The following OARD1 variants were observed in gnomAD, a reference collection of about 807,000 sequenced individuals.
OARD1 encodes ADP-ribose glycohydrolase OARD1.
Under a neutral mutation model 19.7 loss-of-function variants are expected in OARD1, and 19 were observed. The ratio of observed to expected loss-of-function variants is 0.96; its 90% CI spans 0.67 to 1.41. The LOEUF (loss-of-function observed/expected upper bound fraction) is 1.41. Ranked by LOEUF, OARD1 falls within the 40% of genes most tolerant of loss-of-function variation. The probability of loss-of-function intolerance (pLI) is 0.00; values close to 1 mark genes in which losing one functional copy is unlikely to be tolerated. For missense variants in OARD1, 190 were observed against 183.8 expected, an observed-to-expected ratio of 1.03 and a Z score of -0.20; for synonymous variants, 70 against 61.8, an observed-to-expected ratio of 1.13 and a Z score of -0.62.
chr6:41,097,721 G>T lies in OARD1; in HGVS notation c.-50C>A, dbSNP rs368171003. 29 of 250,308 alleles carry T rather than the reference G, an allele frequency of 1.2e-4. No homozygotes were observed. In the East Asian group the frequency reaches 1.6e-3, roughly 14 times the overall value. 15.5% of individuals were successfully genotyped at this position (250,308 alleles called of 1,614,324 possible). Reference sequence around the variant, plus strand: ...GTACACAAAGCACTTACCTTGACTGGTGAAGTCAGCCAGCCATCTCAGCAG... The same window carrying T: ...GTACACAAAGCACTTACCTTGACTGTTGAAGTCAGCCAGCCATCTCAGCAG... On this transcript the variant is annotated 5_prime_UTR_variant, in exon 1 of 5. Coordinates refer to the OARD1 transcript ENST00000480585.
At chr6:41,087,787 C>T (rs1187846115) in intron 1 of OARD1, among the ~76,000 whole-genome samples, 2 of 151,942 alleles carry the variant, frequency 1.3e-5, no homozygotes, top group Non-Finnish European at 2.9e-5. Flanking sequence ...GGTTGTATTG[C>T]AGTTTTTTAG....
At chr6:41,095,186 G>A (rs1258175669) in intron 1 of OARD1, among the ~76,000 whole-genome samples, 1 of 152,056 alleles carries the variant, frequency 6.6e-6, no homozygotes, top group African/African-American at 2.4e-5. Context: ...TTTCCCATTT[G>A]CACTTAGACT....
At chr6:41,089,159 T>C (rs988167997) in intron 1 of OARD1, among the ~76,000 whole-genome samples, 9 of 152,090 alleles carry the variant, frequency 5.9e-5, no homozygotes, top group African/African-American at 1.9e-4. Context: ...AATCTTTGTA[T>C]TTTTAGTAGA....
Position 41,066,030 on chromosome 6 carries a change from G to A in OARD1, c.*1305C>T, listed in dbSNP as rs951743015. 2 of 152,218 alleles carry A rather than the reference G, an allele frequency of 1.3e-5. No homozygotes were observed. The highest frequency in any genetic ancestry group is 4.8e-5 in the African/African-American group (2 of 41,448). 9.4% of individuals were successfully genotyped at this position (152,218 alleles called of 1,614,324 possible). On this transcript the variant is annotated 3_prime_UTR_variant, in exon 6 of 6. Transcript: ENST00000424266. ...TAGACGACTGGTCTTTGCAGCTTCG[G>A]AAGAAAAGAGGACTAATATTTAGAC...
intron 1 of OARD1, among the ~76,000 whole-genome samples, chr6:41,081,573 A>T (rs1390393558): frequency 6.6e-6 from 1 of 152,224 alleles, no homozygotes; most frequent in African/African-American, 2.4e-5. Flanking sequence ...TTGTGTTACA[A>T]TGGAGAAGGA....
At chr6:41,077,319 CACAATGAAGATATAAA>C (rs1319582297), upstream of OARD1, among the ~76,000 whole-genome samples, 1 of 152,030 alleles carries the variant, frequency 6.6e-6, no homozygotes, top group African/African-American at 2.4e-5. Flanking sequence ...CAACTGCTAC[CACAATGAAGATATAAA>C]ACATTTTCAT....
intron 5 of OARD1, among the ~76,000 whole-genome samples, chr6:41,068,612 G>A (rs1763150253): frequency 6.6e-6 from 1 of 152,252 alleles, no homozygotes; most frequent in Admixed American, 6.5e-5. Flanking sequence ...GGCTGAGGCA[G>A]ATGTATATTT....
Position 41,068,872 on chromosome 6 carries a change from T to C in OARD1, c.325A>G (p.Lys109Glu), listed in dbSNP as rs114731895. Residue 109 changes from lysine to glutamate, a missense_variant, in exon 5 of 6, where the codon AAG (lysine) becomes GAG (glutamate). By Grantham distance (56) the Lys-to-Glu change is moderately conservative (BLOSUM62 1). Transcript: ENST00000424266. ...SLEAMKSHCLKNGVTDLSMPR... is the reference protein window; with the variant it reads ...SLEAMKSHCLENGVTDLSMPR... ...ATGGAGAGGTCAGTGACTCCATTCT[T>C]CAGACAATGAGACTTCATTGCCTCT... 1.0e-4 allele frequency: 164 copies of C among 1,605,854 alleles called. No individual in the cohort carries two copies. The East Asian group carries it at 2.0e-3, about 20-fold the overall frequency.
chr6:41,095,083 C>T (rs1357866844), intron 1 of OARD1, among the ~76,000 whole-genome samples: 1 of 152,076 alleles, frequency 6.6e-6, no homozygotes, highest in African/African-American at 2.4e-5. Context: ...CTTTTGTTCC[C>T]CTCTAGCCTA....
At chr6:41,091,049 A>C (rs887959905) in intron 1 of OARD1, among the ~76,000 whole-genome samples, 1 of 152,242 alleles carries the variant, frequency 6.6e-6, no homozygotes, top group African/African-American at 2.4e-5. Flanking sequence ...CTCAAACAGA[A>C]TGGTGAACAA....
intron 1 of OARD1, among the ~76,000 whole-genome samples, chr6:41,093,647 T>C (rs1475788547): frequency 6.6e-6 from 1 of 152,140 alleles, no homozygotes; most frequent in Non-Finnish European, 1.5e-5. Context: ...ATTTTTGTGT[T>C]TTTAGTAGAG....
upstream of OARD1, among the ~76,000 whole-genome samples, chr6:41,076,914 T>C (rs1478192636): frequency 6.6e-6 from 1 of 152,202 alleles, no homozygotes; most frequent in Non-Finnish European, 1.5e-5. Flanking sequence ...GCTAAATCAC[T>C]CTGTCATTAA....
At chr6:41,075,618 A>G (rs768899712), upstream of OARD1, 1 of 151,626 alleles carries the variant, frequency 6.6e-6, no homozygotes, top group Non-Finnish European at 1.5e-5. Flanking sequence ...TGCTCTCTTG[A>G]TTTGTAGTAC....
At chr6:41,095,984 A>G (rs964081638) in intron 1 of OARD1, among the ~76,000 whole-genome samples, 20 of 152,306 alleles carry the variant, frequency 1.3e-4, no homozygotes, top group Middle Eastern at 6.8e-3. Context: ...ACTCCATTCT[A>G]TATTAACATC....
intron 2 of OARD1, 125 bp from the exon 3 acceptor site, chr6:41,071,401 A>T: frequency 9.3e-7 from 1 of 1,080,098 alleles, no homozygotes; most frequent in Non-Finnish European, 1.4e-6. Context: ...TCTGATTTAA[A>T]GCCAAACCAA....
upstream of OARD1, chr6:41,073,068 C>A (rs1460834345): frequency 6.5e-6 from 1 of 153,938 alleles, no homozygotes; most frequent in South Asian, 1.8e-4. Flanking sequence ...GGCAGCGAAC[C>A]GGGGGAGCGA....
intron 1 of OARD1, among the ~76,000 whole-genome samples, chr6:41,091,874 T>TGCCAGGGACTATTC (rs1375771877): frequency 3.3e-5 from 5 of 152,182 alleles, no homozygotes; most frequent in Non-Finnish European, 7.4e-5. Context: ...ACCTACTATG[T>TGCCAGGGACTATTC]GCCAGGGACT....
intron 1 of OARD1, chr6:41,091,666 A>C: frequency 1.2e-6 from 2 of 1,614,212 alleles, no homozygotes; most frequent in Non-Finnish European, 1.7e-6. Context: ...GTGGCAGGCA[A>C]TGTGGTCAAT....
intron 1 of OARD1, chr6:41,079,053 ATC>A (rs765442857): frequency 6.2e-7 from 1 of 1,601,562 alleles, no homozygotes. Context: ...GCCTTCTAGG[ATC>A]TCCAGAGTGG....
Sources: gnomAD v4.1 joint callset for allele counts (sites outside exome capture counted in the v4.1 genomes callset) on GRCh38, gnomAD v4.1.1 for gene constraint, MANE v1.5 for transcripts, NCBI Gene and HGNC (gene_info 2026-07-23, HGNC 2026-07-21) for gene names.